SEC24A: variants seen among roughly 807,000 people sequenced by gnomAD.
The protein encoded by SEC24A is SEC24 homolog A, COPII component.
In SEC24A, 93 loss-of-function variants were observed where a neutral mutation model predicts 129.4. The ratio of observed to expected loss-of-function variants is 0.72; its 90% CI spans 0.61 to 0.85. SEC24A has a LOEUF of 0.85. SEC24A is among the 40% of genes least tolerant of loss of function. The pLI is 0.00. For synonymous variants in SEC24A, 460 were observed against 467.3 expected (o/e 0.98, Z 0.20); for missense variants, 1,264 against 1,307.4 (o/e 0.97, Z 0.51).
intron 3 of SEC24A, among the ~76,000 whole-genome samples, chr5:134,667,653 CAAAAAAAAAAAAAAACA>C (rs1486900433): frequency 4.9e-5 from 2 of 41,086 alleles, no homozygotes; most frequent in Non-Finnish European, 1.1e-4. Flanking sequence ...GACTCCGTCT[CAAAAAAAAAAAAAAACA>C]AAAAAAAAAA....
At chr5:134,711,153 T>TA (rs1752315149) in intron 18 of SEC24A, among the ~76,000 whole-genome samples, 1 of 151,654 alleles carries the variant, frequency 6.6e-6, no homozygotes, top group Non-Finnish European at 1.5e-5. Context: ...AAAAATTAAA[T>TA]AAAAAATAAA....
intron 2 of SEC24A, among the ~76,000 whole-genome samples, chr5:134,665,074 A>G (rs983831442): frequency 2.0e-5 from 3 of 151,862 alleles, no homozygotes; most frequent in African/African-American, 7.2e-5. Flanking sequence ...CTGGGATTAC[A>G]GGCGTGAGCC....
intron 17 of SEC24A, among the ~76,000 whole-genome samples, chr5:134,706,556 A>G (rs914975042): frequency 6.6e-5 from 10 of 151,912 alleles, no homozygotes; most frequent in African/African-American, 9.7e-5. Context: ...GTGGAGTGCA[A>G]TGGTGTGGTT....
intron 16 of SEC24A, among the ~76,000 whole-genome samples, chr5:134,705,085 TATA>T (rs1337280607): frequency 5.0e-4 from 65 of 129,886 alleles, no homozygotes; most frequent in African/African-American, 1.8e-3. Flanking sequence ...TATATATATA[TATA>T]TATTTTTTTT....
intron 20 of SEC24A, among the ~76,000 whole-genome samples, chr5:134,720,730 C>T (rs1279341853): frequency 6.6e-6 from 1 of 151,968 alleles, no homozygotes; most frequent in African/African-American, 2.4e-5. Context: ...TGGTGAAACC[C>T]CATCTCTACT....
chr5:134,649,117 C>A lies in SEC24A; in HGVS notation c.41C>A (p.Ala14Asp), dbSNP rs753424062. ...ATACCGGCCTCCGGCGGCGCCCCAG[C>A]CAGCCTCCAGGCCCAGAACGGAGCC... ...PGIPASGGAP[A>D]SLQAQNGAAL... Residue 14 changes from alanine to aspartate, a missense_variant, in exon 1 of 23, where the codon GCC becomes GAC. Ala to Asp is a moderately radical substitution (Grantham distance 126, BLOSUM62 -2). Transcript: ENST00000398844. 1 of 1,610,048 alleles carries A rather than the reference C, an allele frequency of 6.2e-7. No homozygotes were observed. The highest frequency in any genetic ancestry group is 2.3e-5 in the East Asian group (1 of 44,410).
At position 134,692,630 on chromosome 5, in the gene SEC24A, AT is replaced by A; in HGVS notation, c.1754del (p.Leu585Ter). 7.0e-7 allele frequency: 1 copy of A among 1,420,378 alleles called. No individual in the cohort carries two copies. Among genetic ancestry groups the A allele is most frequent in the African/African-American group, 1.4e-5 (1 of 70,658 alleles). 88.0% of individuals were successfully genotyped at this position (1,420,378 alleles called of 1,614,324 possible). ...DVFIPMPENLLVNLNESKELV... is the reference protein window; with the variant it reads ...DVFIPMPENLXVNLNESKELV... The stretch of plus-strand genomic sequence containing the variant: ...TTTTTATACCTATGCCAGAGAACTT[AT>A]TAGTAAACTTAAATGAAAGTAAAGA... On this transcript the variant is annotated frameshift_variant, in exon 12 of 23. Coordinates refer to ENST00000398844, the MANE Select transcript of SEC24A (RefSeq NM_021982.3). LOFTEE classifies it high-confidence loss of function.
rs766704635 is a variant in SEC24A at position 134,697,138 on chromosome 5, A to G, written c.1999A>G (p.Thr667Ala). The change falls in exon 14 of 23, where the codon ACA becomes GCA. Residue 667 changes from threonine (T) to alanine (A), a missense_variant. Thr to Ala is a moderately conservative substitution (Grantham distance 58, BLOSUM62 0). Transcript: ENST00000398844. Reference sequence around the variant, plus strand: ...TTATTATAAATAGGATATACACATGACACCATCCACTGACTTCTATAAGAA... The same window carrying G: ...TTATTATAAATAGGATATACACATGGCACCATCCACTGACTTCTATAAGAA... ...HRSSAKDIHM[T>A]PSTDFYKKLA... is the part of the protein sequence containing the mutation. 4.6e-6 allele frequency: 7 copies of G among 1,529,368 alleles called. No individual in the cohort carries two copies. In the Admixed American group the frequency reaches 1.0e-4, roughly 22 times the overall value. 94.7% of individuals were successfully genotyped at this position (1,529,368 alleles called of 1,614,324 possible). A position where few individuals can be genotyped will look rare whatever the true frequency, so the allele number is the denominator to read the frequency against.
intron 3 of SEC24A, among the ~76,000 whole-genome samples, chr5:134,671,246 G>C (rs1185535667): frequency 6.6e-6 from 1 of 152,054 alleles, no homozygotes; most frequent in Non-Finnish European, 1.5e-5. Context: ...ATTTTTAGTA[G>C]AGACGGGGTT....
chr5:134,721,172 AAAT>A (rs1752617564), intron 21 of SEC24A, 82 bp downstream of exon 21: 1 of 802,618 alleles, frequency 1.2e-6, no homozygotes, highest in Non-Finnish European at 2.1e-6. Flanking sequence ...TGATATCAGA[AAAT>A]AATAACAAAA....
chr5:134,706,034 T>C (rs1752150700), intron 17 of SEC24A, among the ~76,000 whole-genome samples: 1 of 151,920 alleles, frequency 6.6e-6, no homozygotes, highest in South Asian at 2.1e-4. Flanking sequence ...ATTACAGGCA[T>C]GCGCCACCAT....
In SEC24A at chr5:134,661,256, T is replaced by A; in HGVS notation, c.235T>A (p.Ser79Thr). 1 of 1,614,132 alleles carries A rather than the reference T, an allele frequency of 6.2e-7. No individual in the cohort carries two copies. Among genetic ancestry groups the A allele is most frequent in the East Asian group, 2.2e-5 (1 of 44,884 alleles). ...CTCTGGACAGTCTAACTATGGTGGT[T>A]CTCAGGGATCTGGGCAGACTCTTAA... ...PVSGQSNYGG[S>T]QGSGQTLNRP... Residue 79 changes from serine (S) to threonine (T), a missense_variant, in exon 2 of 23, where the codon TCT becomes ACT. Ser to Thr is a moderately conservative substitution (Grantham distance 58). Coordinates refer to ENST00000398844, the MANE Select transcript of SEC24A (RefSeq NM_021982.3).
chr5:134,685,981 TC>T (rs1304553296), intron 9 of SEC24A, among the ~76,000 whole-genome samples: 1 of 151,474 alleles, frequency 6.6e-6, no homozygotes, highest in Non-Finnish European at 1.5e-5. Context: ...ACAGCGAGAC[TC>T]CATCTCAAAG....
chr5:134,711,979 C>T (rs1204919854), intron 18 of SEC24A, among the ~76,000 whole-genome samples: 2 of 152,010 alleles, frequency 1.3e-5, no homozygotes, highest in Non-Finnish European at 2.9e-5. Flanking sequence ...GATCTCCTGA[C>T]CTCGTGATCC....
intron 1 of SEC24A, among the ~76,000 whole-genome samples, chr5:134,654,216 A>G (rs1750162349): frequency 6.6e-6 from 1 of 151,418 alleles, no homozygotes; most frequent in African/African-American, 2.4e-5. Context: ...TTCAAAAAAA[A>G]AAAATATATA....
In SEC24A at chr5:134,686,988, G is replaced by A. The variant is rs559183931; in HGVS notation, c.1604+86G>A. 5.8e-6 allele frequency: 4 copies of A among 689,328 alleles called. No homozygotes were observed. The South Asian group carries it at 9.2e-5, about 16-fold the overall frequency. The allele number at this position is 689,328 out of a possible 1,614,324, so 42.7% of individuals were successfully genotyped here. ...TTTTTGAAATTAAAAAATAAAAGCT[G>A]TATAATTATGTTCTAAAACTCCACC... is the stretch of plus-strand genomic sequence containing the variant. On this transcript the variant is annotated intron_variant, in intron 10 of 22. Transcript: ENST00000398844.
At chr5:134,723,475 G>T (rs147987686) in intron 21 of SEC24A, 92 bp from the exon 22 acceptor site, 1 of 785,490 alleles carries the variant, frequency 1.3e-6, no homozygotes, top group African/African-American at 1.8e-5. Context: ...GAAAAAAAAT[G>T]TAATTAAAAA....
Position 134,676,006 on chromosome 5 carries a change from T to C in SEC24A, c.1152-17T>C. 6.4e-7 allele frequency: 1 copy of C among 1,563,566 alleles called. No individual in the cohort carries two copies. Among genetic ancestry groups the C allele is most frequent in the Non-Finnish European group, 8.7e-7 (1 of 1,153,598 alleles). ...AATCATAGCAGCAACTGATACATAC[T>C]TTTTACTTTGATATAGGTTATTTCG... is the stretch of plus-strand genomic sequence containing the variant. On this transcript the variant is annotated splice_polypyrimidine_tract_variant and intron_variant, in intron 6 of 22. Transcript: ENST00000398844.
At chr5:134,660,527 T>G (rs1750415518) in intron 1 of SEC24A, among the ~76,000 whole-genome samples, 1 of 152,150 alleles carries the variant, frequency 6.6e-6, no homozygotes, top group South Asian at 2.1e-4. Context: ...TTTTCATTTA[T>G]TGAGACATCT....
Sources: gnomAD v4.1 joint callset for allele counts (sites outside exome capture counted in the v4.1 genomes callset) on GRCh38, gnomAD v4.1.1 for gene constraint, MANE v1.5 for transcripts, NCBI Gene and HGNC (gene_info 2026-07-23, HGNC 2026-07-21) for gene names.